Variants in LRP1B observed in about 807,000 individuals in gnomAD.
LRP1B encodes the protein low-density lipoprotein receptor-related protein 1B.
A neutral mutation model predicts 556.6 loss-of-function variants in LRP1B; 217 were observed. That is an observed-to-expected ratio of 0.39 (90% CI 0.35 to 0.44). The LOEUF is 0.44. Ranked by LOEUF, LRP1B falls within the 20% of genes least tolerant of loss-of-function variation. The pLI is 1.00. For missense variants in LRP1B, 5,053 were observed against 5,620.8 expected, an observed-to-expected ratio of 0.90 and a Z score of 3.23; for synonymous variants, 2,047 against 1,865.8, an observed-to-expected ratio of 1.10 and a Z score of -2.50.
intron 27 of LRP1B, among the ~76,000 whole-genome samples, chr2:140,854,329 T>A (rs1573806418): frequency 6.6e-6 from 1 of 152,126 alleles, no homozygotes; most frequent in African/African-American, 2.4e-5. Context: ...GATATTAAGT[T>A]TCTATGTACA....
chr2:140,943,594 T>C (rs1695461130), intron 20 of LRP1B, among the ~76,000 whole-genome samples: 1 of 152,002 alleles, frequency 6.6e-6, no homozygotes, highest in Non-Finnish European at 1.5e-5. Flanking sequence ...GAAATAGAAA[T>C]AGAAATCAAT....
At position 141,938,984 on chromosome 2, in the gene LRP1B, A is replaced by T. The variant is rs539481946; in HGVS notation, c.83-128583T>A. On this transcript the variant is annotated intron_variant, in intron 1 of 90. Coordinates refer to ENST00000389484, the MANE Select transcript of LRP1B (RefSeq NM_018557.3). ...AATAGAGTGTTGAACTGTGGTTATC[A>T]AGGGCTTGGAGGGGAGAGTTATGGG... 2.4e-4 allele frequency among the ~76,000 whole-genome samples: 37 copies of T among 152,150 alleles called. 2 individuals are homozygous for T. Among genetic ancestry groups the T allele is most frequent in the Middle Eastern group, 6.8e-3 (2 of 294 alleles).
intron 1 of LRP1B, among the ~76,000 whole-genome samples, chr2:142,073,442 A>G (rs1344677974): frequency 6.6e-6 from 1 of 152,076 alleles, no homozygotes; most frequent in African/African-American, 2.4e-5. Context: ...CACATTTATT[A>G]GTTCAAAACC....
chr2:141,849,002 A>G (rs1280989706), intron 1 of LRP1B, among the ~76,000 whole-genome samples: 1 of 151,608 alleles, frequency 6.6e-6, no homozygotes, highest in Non-Finnish European at 1.5e-5. Context: ...CTACAAAAGG[A>G]TAATTAAAAA....
chr2:141,231,703 G>C (rs979984119), intron 5 of LRP1B, among the ~76,000 whole-genome samples: 1 of 144,138 alleles, frequency 6.9e-6, no homozygotes, highest in East Asian at 2.2e-4. Context: ...TGCCATACAA[G>C]GTATGCTTAA....
chr2:140,923,903 G>A (rs537264999), intron 20 of LRP1B, among the ~76,000 whole-genome samples: 3 of 152,032 alleles, frequency 2.0e-5, no homozygotes, highest in African/African-American at 7.2e-5. Flanking sequence ...GGATACAGAT[G>A]TTTGGCAGTT....
At chr2:141,215,714 T>G (rs1427308111) in intron 6 of LRP1B, among the ~76,000 whole-genome samples, 1 of 152,148 alleles carries the variant, frequency 6.6e-6, no homozygotes, top group Non-Finnish European at 1.5e-5. Context: ...CTATGGAAGT[T>G]TGAGCTTGAG....
At chr2:142,129,347 A>G (rs764649423) in intron 1 of LRP1B, among the ~76,000 whole-genome samples, 4 of 152,244 alleles carry the variant, frequency 2.6e-5, no homozygotes, top group Non-Finnish European at 5.9e-5. Flanking sequence ...AGGAACTCAG[A>G]TTAGTCCCAC....
In LRP1B at chr2:140,852,661, A is replaced by AC. The variant is rs1377994443; in HGVS notation, c.4580-879dup. On this transcript the variant is annotated intron_variant, in intron 27 of 90. Transcript: ENST00000389484. ...CTTCTTTGTTACTTTTTCTGTATTA[A>AC]CTAATTCCATGGCTAAGGATTGCTC... Among the ~76,000 whole-genome samples the AC allele has an allele frequency of 3.0e-4, 46 of 152,126 alleles. 1 individual carries two copies. The highest frequency in any genetic ancestry group is 1.5e-5 in the Non-Finnish European group (1 of 68,022).
intron 66 of LRP1B, among the ~76,000 whole-genome samples, chr2:140,407,446 A>G (rs1325974555): frequency 6.6e-6 from 1 of 152,176 alleles, no homozygotes; most frequent in African/African-American, 2.4e-5. Flanking sequence ...AAGGAATAGT[A>G]TCCAGAATGT....
intron 87 of LRP1B, among the ~76,000 whole-genome samples, chr2:140,240,387 G>A (rs1282175111): frequency 6.6e-6 from 1 of 150,530 alleles, no homozygotes; most frequent in Non-Finnish European, 1.5e-5. Flanking sequence ...TGAGCACAGG[G>A]AGGAGGCAAA....
intron 1 of LRP1B, among the ~76,000 whole-genome samples, chr2:142,008,477 G>A (rs1702862558): frequency 6.6e-6 from 1 of 151,240 alleles, no homozygotes; most frequent in East Asian, 1.9e-4. Flanking sequence ...AAGGTGCAGA[G>A]TCTAGCCCAT....
chr2:140,519,928 C>T lies in LRP1B; in HGVS notation c.8027-2917G>A, dbSNP rs558542512. Among the ~76,000 whole-genome samples, 7 of 152,284 alleles carry T rather than the reference C, an allele frequency of 4.6e-5. No individual in the cohort carries two copies. The East Asian group carries it at 9.7e-4, about 21-fold the overall frequency. ...ACCGCAATGAGATACCATCTCACAC[C>T]AGTTAGAATGGCGATCATTAAAAAG... On this transcript the variant is annotated intron_variant, in intron 49 of 90. Coordinates refer to ENST00000389484, the MANE Select transcript of LRP1B (RefSeq NM_018557.3).
intron 7 of LRP1B, among the ~76,000 whole-genome samples, chr2:141,181,472 T>C (rs1289195394): frequency 3.3e-5 from 5 of 151,258 alleles, no homozygotes; most frequent in African/African-American, 9.7e-5. Flanking sequence ...GGGAAAGACA[T>C]TGAATACTAG....
intron 84 of LRP1B, among the ~76,000 whole-genome samples, chr2:140,276,222 T>C (rs1682666335): frequency 6.6e-6 from 1 of 151,994 alleles, no homozygotes; most frequent in South Asian, 2.1e-4. Flanking sequence ...TTCTCATGTT[T>C]ATGTTTATCT....
intron 21 of LRP1B, among the ~76,000 whole-genome samples, chr2:140,914,265 T>C (rs1694509472): frequency 6.6e-6 from 1 of 152,010 alleles, no homozygotes; most frequent in South Asian, 2.1e-4. Flanking sequence ...AGCTTAACCT[T>C]AGGTTATGAG....
chr2:140,930,480 T>A (rs1695017563), intron 20 of LRP1B, among the ~76,000 whole-genome samples: 1 of 152,038 alleles, frequency 6.6e-6, no homozygotes, highest in Non-Finnish European at 1.5e-5. Flanking sequence ...GTTAAAAAAA[T>A]GAAAATTAGT....
chr2:141,139,089 A>T (rs758824042), intron 7 of LRP1B, among the ~76,000 whole-genome samples: 1 of 151,970 alleles, frequency 6.6e-6, no homozygotes, highest in Non-Finnish European at 1.5e-5. Flanking sequence ...AAGGCACTAT[A>T]GTAGAGAAAC....
chr2:141,254,444 G>A (rs1684384847), intron 4 of LRP1B, 78 bp downstream of exon 4: 2 of 1,446,066 alleles, frequency 1.4e-6, no homozygotes, highest in Middle Eastern at 1.8e-4. Context: ...CATGGTAGGT[G>A]CTCAAAGATG....
Sources: gnomAD v4.1 joint callset for allele counts (sites outside exome capture counted in the v4.1 genomes callset) on GRCh38, gnomAD v4.1.1 for gene constraint, MANE v1.5 for transcripts, NCBI Gene and HGNC (gene_info 2026-07-23, HGNC 2026-07-21) for gene names.